NSG1: variants seen among roughly 807,000 people sequenced by gnomAD.
NSG1 encodes neuronal vesicle trafficking associated 1, also known as neuronal vesicle trafficking-associated protein 1.
In NSG1, 9 loss-of-function variants were observed where a neutral mutation model predicts 19.3. The observed-to-expected ratio is 0.47, with a 90% CI of 0.28 to 0.81. The LOEUF (loss-of-function observed/expected upper bound fraction) is 0.81, where lower values mean the gene tolerates loss of function less well. Among genes scored for constraint, NSG1 ranks in the 40% least tolerant of loss-of-function variants. NSG1 has a pLI of 0.11. For synonymous variants in NSG1, 104 were observed against 107.0 expected (o/e 0.97, Z 0.17); for missense variants, 236 against 242.4 (o/e 0.97, Z 0.18).
At chr4:4,400,146 T>C (rs1183125366) in intron 3 of NSG1, among the ~76,000 whole-genome samples, 2 of 152,242 alleles carry the variant, frequency 1.3e-5, no homozygotes, top group Non-Finnish European at 2.9e-5. Context: ...AGTTAGTTTT[T>C]ATATATGGTA....
chr4:4,410,691 T>TGGGTGGGTGAGTGAGG (rs1724129122), intron 4 of NSG1, among the ~76,000 whole-genome samples: 1 of 152,166 alleles, frequency 6.6e-6, no homozygotes, highest in Admixed American at 6.5e-5. Flanking sequence ...GAAGCTGGTC[T>TGGGTGGGTGAGTGAGG]GGGTGGGTGA....
intron 3 of NSG1, among the ~76,000 whole-genome samples, chr4:4,408,876 G>A (rs1407154837): frequency 2.0e-5 from 3 of 152,186 alleles, no homozygotes; most frequent in African/African-American, 7.2e-5. Flanking sequence ...CCTCCAGCCG[G>A]GGCAGGCTGT....
intron 3 of NSG1, among the ~76,000 whole-genome samples, chr4:4,395,790 C>T (rs940280266): frequency 6.6e-5 from 10 of 152,334 alleles, no homozygotes; most frequent in Admixed American, 2.6e-4. Flanking sequence ...AATGGAATCT[C>T]GCCTTTCCGA....
chr4:4,412,168 G>A (rs1385725951), intron 4 of NSG1, among the ~76,000 whole-genome samples: 1 of 152,192 alleles, frequency 6.6e-6, no homozygotes, highest in African/African-American at 2.4e-5. Flanking sequence ...ATGCTGTTAT[G>A]CCGCGTGTGG....
At chr4:4,409,488 T>TA in intron 3 of NSG1, 85 bp from the exon 4 acceptor site, 3 of 923,832 alleles carry the variant, frequency 3.2e-6, no homozygotes, top group South Asian at 2.7e-5. Flanking sequence ...ACATGCTGTG[T>TA]GGGGGGGGGC....
chr4:4,399,974 A>G (rs1723463030), intron 3 of NSG1, among the ~76,000 whole-genome samples: 1 of 152,216 alleles, frequency 6.6e-6, no homozygotes, highest in Admixed American at 6.5e-5. Flanking sequence ...TGCTGTGCAG[A>G]CCAGTTCCTA....
intron 4 of NSG1, among the ~76,000 whole-genome samples, chr4:4,414,894 G>A (rs1030823983): frequency 3.9e-5 from 6 of 152,006 alleles, no homozygotes; most frequent in African/African-American, 1.5e-4. Context: ...CATATCGTGA[G>A]GAGGGTGAAA....
At chr4:4,402,701 T>C (rs942955958) in intron 3 of NSG1, among the ~76,000 whole-genome samples, 1 of 152,166 alleles carries the variant, frequency 6.6e-6, no homozygotes, top group Admixed American at 6.5e-5. Context: ...CTCCTTTGAT[T>C]TTGAAACAAA....
intron 4 of NSG1, among the ~76,000 whole-genome samples, chr4:4,413,952 T>C (rs771662233): frequency 6.6e-6 from 1 of 151,572 alleles, no homozygotes; most frequent in Admixed American, 6.6e-5. Context: ...GCCGATGTCA[T>C]GGAGAGGGAG....
At chr4:4,399,759 G>A (rs1723450407) in intron 3 of NSG1, among the ~76,000 whole-genome samples, 1 of 152,228 alleles carries the variant, frequency 6.6e-6, no homozygotes, top group African/African-American at 2.4e-5. Flanking sequence ...TGACCAGGGA[G>A]CAGGGGATGG....
chr4:4,409,170 G>A (rs1724028629), intron 3 of NSG1, among the ~76,000 whole-genome samples: 1 of 152,214 alleles, frequency 6.6e-6, no homozygotes, highest in South Asian at 2.1e-4. Flanking sequence ...CATTTGCTGA[G>A]CGGATGCTTG....
At position 4,417,546 on chromosome 4, in the gene NSG1, C is replaced by A; in HGVS notation, c.*111C>A. 1 of 1,086,632 alleles carries A rather than the reference C, an allele frequency of 9.2e-7. No homozygotes were observed. The allele number at this position is 1,086,632 out of a possible 1,614,324, so 67.3% of individuals were successfully genotyped here. On this transcript the variant is annotated 3_prime_UTR_variant, in exon 5 of 5. Coordinates refer to ENST00000621129, the MANE Select transcript of NSG1 (RefSeq NM_014392.5). Reference sequence around the variant, plus strand: ...CTTTAGAGGTTACTCATTTACGGTGCAATTGCTTCTGTTTGCTAATGCTGC... The same window carrying A: ...CTTTAGAGGTTACTCATTTACGGTGAAATTGCTTCTGTTTGCTAATGCTGC...
intron 3 of NSG1, among the ~76,000 whole-genome samples, chr4:4,398,248 C>A (rs913695279): frequency 6.6e-6 from 1 of 152,186 alleles, no homozygotes; most frequent in African/African-American, 2.4e-5. Context: ...CCACCACGCC[C>A]GGCTTGGCCC....
chr4:4,390,633 G>A (rs1035333422), intron 2 of NSG1, among the ~76,000 whole-genome samples: 14 of 152,304 alleles, frequency 9.2e-5, no homozygotes, highest in African/African-American at 3.4e-4. Context: ...TGGGGAGCGG[G>A]GTTTGGGGAT....
At chr4:4,396,682 T>C (rs1723266698) in intron 3 of NSG1, among the ~76,000 whole-genome samples, 1 of 16,460 alleles carries the variant, frequency 6.1e-5, no homozygotes, top group African/African-American at 7.9e-5. Flanking sequence ...GCTTCCTGCG[T>C]GCCCATCTGT....
chr4:4,404,581 C>T (rs574812838), intron 3 of NSG1, among the ~76,000 whole-genome samples: 38 of 152,230 alleles, frequency 2.5e-4, no homozygotes, highest in African/African-American at 8.9e-4. Context: ...TGCTGGTGGT[C>T]GTGGTTCTCC....
chr4:4,393,954 T>C (rs1577281256), intron 3 of NSG1, among the ~76,000 whole-genome samples: 1 of 152,210 alleles, frequency 6.6e-6, no homozygotes, highest in Non-Finnish European at 1.5e-5. Context: ...TTCCAGTGCC[T>C]TTTGTAGCCA....
Position 4,400,660 on chromosome 4 carries a change from C to G in NSG1, c.247-8913C>G, listed in dbSNP as rs1163785189. On this transcript the variant is annotated intron_variant, in intron 3 of 4. Transcript: ENST00000621129. ...TTTATAGTTTTCAGTGTACAAATTC[C>G]TTCACTTTTTAATGTAGGCAGTAAA... Among the ~76,000 whole-genome samples, 29 of 151,942 alleles carry G rather than the reference C, an allele frequency of 1.9e-4. 1 individual carries two copies. Among genetic ancestry groups the G allele is most frequent in the Admixed American group, 1.9e-3 (29 of 15,240 alleles).
Position 4,409,788 on chromosome 4 carries a change from A to G in NSG1, c.357+105A>G, listed in dbSNP as rs1298974083. The G allele has an allele frequency of 3.3e-6, 3 of 908,694 alleles. No individual in the cohort carries two copies. In the African/African-American group the frequency reaches 4.9e-5, roughly 15 times the overall value. 56.3% of individuals were successfully genotyped at this position (908,694 alleles called of 1,614,324 possible). ...GCCGTCTCCCCCAGCTGGCCCACGG[A>G]CAGGCCTTAGAGCAGCAGGGGGCCA... On this transcript the variant is annotated intron_variant, in intron 4 of 4. Transcript: ENST00000621129.
Sources: gnomAD v4.1 joint callset for allele counts (sites outside exome capture counted in the v4.1 genomes callset) on GRCh38, gnomAD v4.1.1 for gene constraint, MANE v1.5 for transcripts, NCBI Gene and HGNC (gene_info 2026-07-23, HGNC 2026-07-21) for gene names.